The following MEGF11 variants were observed in gnomAD, a reference collection of about 807,000 sequenced individuals.
The protein encoded by MEGF11 is multiple epidermal growth factor-like domains protein 11.
Under a neutral mutation model 146.6 loss-of-function variants are expected in MEGF11, and 126 were observed. The ratio of observed to expected loss-of-function variants is 0.86; its 90% confidence interval spans 0.74 to 1.00. MEGF11 has a LOEUF of 1.00. Ranked by LOEUF, MEGF11 falls within the 50% of genes least tolerant of loss-of-function variation. The probability of loss-of-function intolerance (pLI) is 0.00; values close to 1 mark genes in which losing one functional copy is unlikely to be tolerated. For missense variants in MEGF11, 1,509 were observed against 1,521.2 expected, an observed-to-expected ratio of 0.99 and a Z score of 0.13; for synonymous variants, 532 against 583.4, an observed-to-expected ratio of 0.91 and a Z score of 1.27.
intron 5 of MEGF11, among the ~76,000 whole-genome samples, chr15:66,018,477 A>G (rs1251328168): frequency 2.0e-5 from 3 of 152,226 alleles, no homozygotes; most frequent in Non-Finnish European, 2.9e-5. Flanking sequence ...TGTGCAGTGC[A>G]TGAAGAGTAA....
chr15:66,003,286 G>A (rs1215084089), intron 5 of MEGF11, among the ~76,000 whole-genome samples: 3 of 152,084 alleles, frequency 2.0e-5, no homozygotes, highest in Non-Finnish European at 2.9e-5. Flanking sequence ...GAGTCACCAC[G>A]CCTGGCCCAG....
intron 24 of MEGF11, among the ~76,000 whole-genome samples, chr15:65,904,948 A>G (rs1444951912): frequency 6.6e-6 from 1 of 152,210 alleles, no homozygotes; most frequent in African/African-American, 2.4e-5. Flanking sequence ...GCTGGAGTGC[A>G]GTGGCACGAT....
At chr15:65,971,905 A>G (rs986568181) in intron 7 of MEGF11, among the ~76,000 whole-genome samples, 8 of 152,320 alleles carry the variant, frequency 5.3e-5, no homozygotes, top group East Asian at 1.9e-4. Flanking sequence ...AAGAGAAGGA[A>G]AAAAGCCTCT....
intron 1 of MEGF11, among the ~76,000 whole-genome samples, chr15:66,178,755 C>T (rs570099082): frequency 2.4e-4 from 36 of 152,244 alleles, no homozygotes; most frequent in African/African-American, 8.4e-4. Flanking sequence ...GGGACCAACC[C>T]CTTGCCTGTC....
intron 1 of MEGF11, among the ~76,000 whole-genome samples, chr15:66,241,920 A>G (rs2092218599): frequency 6.6e-6 from 1 of 152,214 alleles, no homozygotes; most frequent in Non-Finnish European, 1.5e-5. Flanking sequence ...ATACACAGAC[A>G]ACAAAGAGAA....
intron 10 of MEGF11, among the ~76,000 whole-genome samples, chr15:65,931,785 A>G (rs1335227974): frequency 6.6e-6 from 1 of 152,240 alleles, no homozygotes. Context: ...ATGATAGCTA[A>G]TGCATATTGA....
intron 5 of MEGF11, among the ~76,000 whole-genome samples, chr15:66,063,952 G>A (rs569656540): frequency 6.6e-6 from 1 of 152,156 alleles, no homozygotes; most frequent in East Asian, 1.9e-4. Context: ...TAGGTTCAAG[G>A]TTGCACAGAA....
rs530175962 is a variant in MEGF11, at chr15:66,208,780, G to A, written c.-9+44825C>T. The stretch of plus-strand genomic sequence containing the variant: ...ACCTGTAATCCCAGCTACTCAGGAG[G>A]CTGAGGCAGGAGAATCGCTTGAACC... On this transcript the variant is annotated intron_variant, in intron 1 of 25. Transcript: ENST00000395614. Among the ~76,000 whole-genome samples the A allele has an allele frequency of 8.5e-5, 13 of 152,332 alleles. No homozygotes were observed. In the South Asian group the frequency reaches 2.7e-3, roughly 32 times the overall value.
At chr15:66,019,164 C>T (rs754411118) in intron 5 of MEGF11, among the ~76,000 whole-genome samples, 2 of 152,142 alleles carry the variant, frequency 1.3e-5, no homozygotes, top group African/African-American at 2.4e-5. Flanking sequence ...GGTGACAGGG[C>T]CTGTGCGTGG....
intron 9 of MEGF11, among the ~76,000 whole-genome samples, chr15:65,962,629 G>A (rs944664124): frequency 1.3e-5 from 2 of 152,212 alleles, no homozygotes; most frequent in Non-Finnish European, 2.9e-5. Flanking sequence ...AAAAAATAGG[G>A]TTGACGTCAG....
chr15:65,981,357 C>T (rs1023500567), intron 6 of MEGF11, among the ~76,000 whole-genome samples: 1 of 152,194 alleles, frequency 6.6e-6, no homozygotes, highest in South Asian at 2.1e-4. Flanking sequence ...CACGTTCCTT[C>T]CAGGCTCAGG....
At chr15:66,033,078 CAAAAAAAAAAAA>C (rs60932678) in intron 5 of MEGF11, among the ~76,000 whole-genome samples, 1 of 80,612 alleles carries the variant, frequency 1.2e-5, no homozygotes, top group South Asian at 4.5e-4. Flanking sequence ...GAGACTCCAT[CAAAAAAAAAAAA>C]AAAAAAAAAA....
intron 1 of MEGF11, among the ~76,000 whole-genome samples, chr15:66,192,763 G>A (rs1293987631): frequency 1.3e-5 from 2 of 152,216 alleles, no homozygotes; most frequent in Admixed American, 1.3e-4. Context: ...CAGCATTACT[G>A]TGAATCTGAT....
chr15:66,149,163 G>A (rs557627345), intron 1 of MEGF11, among the ~76,000 whole-genome samples: 1 of 152,200 alleles, frequency 6.6e-6, no homozygotes, highest in African/African-American at 2.4e-5. Context: ...CACGGCCACA[G>A]GCCCAGGCGC....
At chr15:66,110,891 C>A (rs2087358212) in intron 4 of MEGF11, among the ~76,000 whole-genome samples, 1 of 152,130 alleles carries the variant, frequency 6.6e-6, no homozygotes, top group Admixed American at 6.5e-5. Context: ...AGGACCCACA[C>A]CTTAGCAAAA....
At chr15:66,173,783 C>T (rs1389559300) in intron 1 of MEGF11, among the ~76,000 whole-genome samples, 2 of 152,192 alleles carry the variant, frequency 1.3e-5, no homozygotes, top group African/African-American at 4.8e-5. Context: ...AACTCACCCT[C>T]TACCATCACA....
intron 1 of MEGF11, among the ~76,000 whole-genome samples, chr15:66,203,258 C>T (rs187225441): frequency 8.1e-4 from 124 of 152,324 alleles, no homozygotes; most frequent in African/African-American, 2.8e-3. Context: ...CCACTGATTC[C>T]GAGGGCCCGC....
At chr15:65,989,005 G>C (rs192929832) in intron 5 of MEGF11, among the ~76,000 whole-genome samples, 6 of 152,188 alleles carry the variant, frequency 3.9e-5, no homozygotes, top group African/African-American at 1.2e-4. Context: ...CTGCAGATCA[G>C]CATCACTGGG....
chr15:66,030,286 A>C (rs1366312332), intron 5 of MEGF11, among the ~76,000 whole-genome samples: 1 of 152,014 alleles, frequency 6.6e-6, no homozygotes, highest in African/African-American at 2.4e-5. Flanking sequence ...TATATCAGAA[A>C]CCTCACATGT....
Sources: allele counts gnomAD v4.1 joint callset (sites outside exome capture counted in the v4.1 genomes callset), GRCh38; gene constraint gnomAD v4.1.1; transcripts MANE v1.5; gene names NCBI Gene and HGNC (gene_info 2026-07-23, HGNC 2026-07-21).